The following PTPRH variants were observed in gnomAD, a reference collection of about 807,000 sequenced individuals.
PTPRH encodes receptor-type tyrosine-protein phosphatase H.
Under a neutral mutation model 130.2 loss-of-function variants are expected in PTPRH, and 113 were observed. That is an observed-to-expected ratio of 0.87 (90% confidence interval 0.75 to 1.01). PTPRH has a LOEUF of 1.01. Among genes scored for constraint, PTPRH ranks in the 50% least tolerant of loss-of-function variants. The probability of loss-of-function intolerance (pLI) is 0.00; values close to 1 mark genes in which losing one functional copy is unlikely to be tolerated. For missense variants in PTPRH, 1,430 were observed against 1,425.0 expected (o/e 1.00, Z -0.06); for synonymous variants, 556 against 577.9 (o/e 0.96, Z 0.54).
intron 13 of PTPRH, 64 bp from the exon 14 acceptor site, chr19:55,187,667 C>G (rs1356929887): frequency 6.6e-6 from 8 of 1,216,832 alleles, no homozygotes; most frequent in Non-Finnish European, 9.7e-6. Context: ...CGGGGGTACC[C>G]CCGAGCTCCC....
Position 55,199,214 on chromosome 19 carries a change from G to A in PTPRH, c.1421-302C>T, listed in dbSNP as rs57075447. On this transcript the variant is annotated intron_variant, in intron 7 of 19. Transcript: ENST00000376350. ...CCCAGCTACTAGGGAGGCTGAGGTG[G>A]GAGGATCGCTTGAGCTTGGGAGGTT... 3.2e-3 allele frequency among the ~76,000 whole-genome samples: 482 copies of A among 152,336 alleles called. 3 individuals carry two copies. Among genetic ancestry groups the A allele is most frequent in the African/African-American group, 0.011 (448 of 41,574 alleles).
intron 3 of PTPRH, among the ~76,000 whole-genome samples, chr19:55,206,296 T>A (rs2122341284): frequency 6.6e-6 from 1 of 150,882 alleles, no homozygotes; most frequent in East Asian, 1.9e-4. Context: ...TAGTTTGTTT[T>A]TCTTTTCTTT....
At chr19:55,200,567 C>T (rs2086828569) in intron 6 of PTPRH, 65 bp from the exon 7 acceptor site, 1 of 1,512,668 alleles carries the variant, frequency 6.6e-7, no homozygotes, top group South Asian at 1.2e-5. Flanking sequence ...CAGGAGTGGG[C>T]CCCTCACTGC....
chr19:55,184,644 G>A (rs2086266773), intron 18 of PTPRH, among the ~76,000 whole-genome samples: 1 of 151,648 alleles, frequency 6.6e-6, no homozygotes, highest in South Asian at 2.1e-4. Flanking sequence ...AAAATTAGCT[G>A]GGTGTGGTGG....
chr19:55,206,814 GTC>G lies in PTPRH; in HGVS notation c.225_226del (p.Glu75AspfsTer33). 6.2e-7 allele frequency: 1 copy of G among 1,614,174 alleles called. No individual in the cohort carries two copies. The highest frequency in any genetic ancestry group is 8.5e-7 in the Non-Finnish European group (1 of 1,180,032). ...GACGTTGGTGGCTGTTGTGTTTCGA[GTC>G]TCTGTTGTGCCGCCGTCTCCAGTAC... On this transcript the variant is annotated frameshift_variant, in exon 3 of 20. Transcript: ENST00000376350. LOFTEE classifies it high-confidence loss of function.
chr19:55,185,504 G>T lies in PTPRH; in HGVS notation c.3060C>A (p.Cys1020Ter), dbSNP rs775388949. The change falls in exon 18 of 20, where the codon TGC becomes TGA. Residue 1020 changes from cysteine (C) to a stop codon, truncating the protein, a stop_gained and splice_region_variant. Coordinates refer to ENST00000376350, the MANE Select transcript of PTPRH (RefSeq NM_002842.5). LOFTEE classifies it high-confidence loss of function. Reference sequence around the variant, plus strand: ...GAGGGTCCTGGGCTGGTCCCCACCTGCAGTGCACAATGGGTGGGCCTCCCT... The same window carrying T: ...GAGGGTCCTGGGCTGGTCCCCACCTTCAGTGCACAATGGGTGGGCCTCCCT... ...TMEGGPPIVH[C>*]SAGVGRTGTL... The T allele has an allele frequency of 6.8e-6, 11 of 1,614,030 alleles. No homozygotes were observed. The highest frequency in any genetic ancestry group is 8.5e-6 in the Non-Finnish European group (10 of 1,179,998).
chr19:55,197,949 A>T (rs2065842722), intron 8 of PTPRH, among the ~76,000 whole-genome samples: 1 of 152,052 alleles, frequency 6.6e-6, no homozygotes. Flanking sequence ...ATAGTGGCTC[A>T]CTCCTGTAAT....
Position 55,198,640 on chromosome 19 carries a change from C to T in PTPRH, c.1690+3G>A, listed in dbSNP as rs114373840. ...GCTGGGTTCAGAACCGACTGTGTCTCACCAGTGGCTGCAGTGAGGGTGCTG... is the reference window on the plus strand; with the variant it reads ...GCTGGGTTCAGAACCGACTGTGTCTTACCAGTGGCTGCAGTGAGGGTGCTG... On this transcript the variant is annotated splice_donor_region_variant and intron_variant, in intron 8 of 19. Coordinates refer to ENST00000376350, the MANE Select transcript of PTPRH (RefSeq NM_002842.5). 3.9e-4 allele frequency: 628 copies of T among 1,598,462 alleles called. 1 individual carries two copies. The African/African-American group carries it at 7.5e-3, about 19-fold the overall frequency.
At position 55,181,894 on chromosome 19, in the gene PTPRH, C is replaced by A. The variant is rs140496718; in HGVS notation, c.3208G>T (p.Val1070Leu). 1 of 1,614,214 alleles carries A rather than the reference C, an allele frequency of 6.2e-7. No homozygotes were observed. The change falls in exon 20 of 20, where the codon GTA becomes TTA. Residue 1070 changes from valine (V) to leucine (L), a missense_variant. Transcript: ENST00000376350. ...PLMVQTEAQY[V>L]FLHQCILRFL... ...CGCAGGATGCACTGATGCAGGAATACGTACTGAGCCTGGGAAGCAGGCACG... is the reference window on the plus strand; with the variant it reads ...CGCAGGATGCACTGATGCAGGAATAAGTACTGAGCCTGGGAAGCAGGCACG...
chr19:55,195,599 G>GTC (rs959411682), intron 10 of PTPRH, among the ~76,000 whole-genome samples: 1 of 152,110 alleles, frequency 6.6e-6, no homozygotes, highest in Non-Finnish European at 1.5e-5. Flanking sequence ...TTGAAACAGG[G>GTC]TCTCGTTCCT....
chr19:55,207,126 C>T (rs776514956), intron 2 of PTPRH, 40 bp downstream of exon 2: 7 of 1,611,104 alleles, frequency 4.3e-6, no homozygotes, highest in East Asian at 2.2e-5. Context: ...GCGGTCCCAC[C>T]TCTTCGAGTG....
At position 55,205,501 on chromosome 19, in the gene PTPRH, C is replaced by T. The variant is rs1290492227; in HGVS notation, c.444G>A (p.Gln148=). The part of the protein sequence containing the change: ...TWEVPDGPDP[Q]NSTYGVEYTG... Reference sequence around the variant, plus strand: ...TGTACTCAACCCCGTAGGTGGAGTTCTGTGGGTCTGGGCCGTCGGGGACCT... The same window carrying T: ...TGTACTCAACCCCGTAGGTGGAGTTTTGTGGGTCTGGGCCGTCGGGGACCT... Residue 148 remains glutamine (Q), a synonymous_variant, in exon 4 of 20, where the codon CAG becomes CAA. Coordinates refer to ENST00000376350, the MANE Select transcript of PTPRH (RefSeq NM_002842.5). 6 of 1,614,094 alleles carry T rather than the reference C, an allele frequency of 3.7e-6. No homozygotes were observed. The highest frequency in any genetic ancestry group is 2.7e-5 in the African/African-American group (2 of 74,932).
In PTPRH at chr19:55,196,682, C is replaced by G; in HGVS notation, c.2097G>C (p.Glu699Asp). The G allele has an allele frequency of 6.2e-7, 1 of 1,614,132 alleles. No individual in the cohort carries two copies. The highest frequency in any genetic ancestry group is 8.5e-7 in the Non-Finnish European group (1 of 1,180,034). Reference sequence around the variant, plus strand: ...CCTGGGAGCCCCGCTGTCCTCCCACCTCCAACTCAAAGGCCTCGTAGCCTC... The same window carrying G: ...CCTGGGAGCCCCGCTGTCCTCCCACGTCCAACTCAAAGGCCTCGTAGCCTC... Reference protein sequence around the residue: ...PQGGYEAFELEVGGQRGSQDR... With the variant: ...PQGGYEAFELDVGGQRGSQDR... The change falls in exon 10 of 20, where the codon GAG (glutamate) becomes GAC (aspartate). Residue 699 changes from glutamate to aspartate, a missense_variant. Physicochemically the swap from Glu to Asp is conservative, Grantham distance 45 (BLOSUM62 2). Transcript: ENST00000376350.
At chr19:55,187,666 C>A in intron 13 of PTPRH, 63 bp from the exon 14 acceptor site, 1 of 1,215,034 alleles carries the variant, frequency 8.2e-7, no homozygotes. Context: ...TCGGGGGTAC[C>A]CCCGAGCTCC....
At chr19:55,196,926 T>A in intron 9 of PTPRH, 138 bp from the exon 10 acceptor site, 1 of 1,259,842 alleles carries the variant, frequency 7.9e-7, no homozygotes, top group Non-Finnish European at 1.1e-6. Flanking sequence ...TCCTTTTCTG[T>A]CCTCCCCGAA....
intron 12 of PTPRH, 82 bp from the exon 13 acceptor site, chr19:55,188,250 C>T (rs977024164): frequency 1.5e-5 from 17 of 1,123,890 alleles, no homozygotes; most frequent in African/African-American, 4.6e-5. Context: ...TGGTGGCTCA[C>T]GCCTGTAATC....
chr19:55,184,192 G>A (rs2147367124), intron 18 of PTPRH, among the ~76,000 whole-genome samples: 1 of 152,200 alleles, frequency 6.6e-6, no homozygotes, highest in South Asian at 2.1e-4. Flanking sequence ...GCTGAGGCAG[G>A]AGAATTGCTT....
intron 7 of PTPRH, among the ~76,000 whole-genome samples, chr19:55,199,366 C>T (rs1236256166): frequency 1.3e-5 from 2 of 151,758 alleles, no homozygotes; most frequent in Admixed American, 1.3e-4. Context: ...CCCAACACTT[C>T]GGGAGGCCAA....
chr19:55,204,071 C>T (rs938229046), intron 4 of PTPRH, 23 bp from the exon 5 acceptor site: 4 of 1,598,690 alleles, frequency 2.5e-6, no homozygotes, highest in Non-Finnish European at 3.4e-6. Flanking sequence ...GAAGAAAGAT[C>T]TAATATGAGC....
Sources: gnomAD v4.1 joint callset for allele counts (sites outside exome capture counted in the v4.1 genomes callset) on GRCh38, gnomAD v4.1.1 for gene constraint, MANE v1.5 for transcripts, NCBI Gene and HGNC (gene_info 2026-07-23, HGNC 2026-07-21) for gene names.